Variants in FRMPD4 observed in about 807,000 individuals in gnomAD.
The protein encoded by FRMPD4 is FERM and PDZ domain containing 4.
Under a neutral mutation model 94.1 loss-of-function variants are expected in FRMPD4, and 22 were observed. That is an observed-to-expected ratio of 0.23 (90% CI 0.17 to 0.33). FRMPD4 has a LOEUF of 0.33. Ranked by LOEUF, FRMPD4 falls within the 10% of genes least tolerant of loss-of-function variation. The pLI is 1.00. For synonymous variants in FRMPD4, 631 were observed against 548.6 expected (o/e 1.15, Z -2.10); for missense variants, 1,111 against 1,339.9 (o/e 0.83, Z 2.67).
chrX:11,943,349 G>A (rs1195117760), intron 3 of FRMPD4, among the ~76,000 whole-genome samples: 3 of 110,785 alleles, frequency 2.7e-5, no homozygotes, highest in Non-Finnish European at 5.7e-5. Flanking sequence ...TACTTTTAGG[G>A]CATTTACTCC....
chrX:11,909,765 C>T (rs1002904180), intron 3 of FRMPD4, among the ~76,000 whole-genome samples: 2 of 110,908 alleles, frequency 1.8e-5, no homozygotes, highest in African/African-American at 6.5e-5. Context: ...GTTCTAATAT[C>T]CATTGTGATT....
chrX:12,208,690 A>G (rs2056721871), intron 1 of FRMPD4, among the ~76,000 whole-genome samples: 2 of 112,174 alleles, frequency 1.8e-5, no homozygotes, highest in Admixed American at 1.9e-4. Flanking sequence ...TTACTATACT[A>G]TAATAAAATG....
chrX:12,051,138 T>A (rs2054815442), intron 3 of FRMPD4, among the ~76,000 whole-genome samples: 1 of 111,865 alleles, frequency 8.9e-6, no homozygotes, highest in Admixed American at 9.5e-5. Flanking sequence ...ATAGGATACA[T>A]GTCTATGTAG....
chrX:12,503,642 G>T (rs937808674), intron 2 of FRMPD4, among the ~76,000 whole-genome samples: 4 of 111,792 alleles, frequency 3.6e-5, no homozygotes, highest in African/African-American at 1.3e-4. Flanking sequence ...CAAGTAATTT[G>T]TATGCCCTTT....
intron 1 of FRMPD4, among the ~76,000 whole-genome samples, chrX:12,292,436 A>G (rs1216760056): frequency 2.7e-5 from 3 of 111,278 alleles, no homozygotes; most frequent in Non-Finnish European, 5.7e-5. Flanking sequence ...TCAACAATGA[A>G]TTCAGTGCCT....
At chrX:12,646,946 TATGACCACTAA>T (rs2059553273) in intron 4 of FRMPD4, among the ~76,000 whole-genome samples, 1 of 112,153 alleles carries the variant, frequency 8.9e-6, no homozygotes, top group Non-Finnish European at 1.9e-5. Context: ...AGGTAGTGGC[TATGACCACTAA>T]CCCCTAGGAA....
intron 1 of FRMPD4, among the ~76,000 whole-genome samples, chrX:12,159,252 T>C (rs2055984867): frequency 8.9e-6 from 1 of 112,186 alleles, no homozygotes; most frequent in Admixed American, 9.4e-5. Context: ...TGAAAGGCAG[T>C]GTGGAGTGGA....
At chrX:12,294,334 A>T (rs183923900) in intron 1 of FRMPD4, among the ~76,000 whole-genome samples, 87 of 111,715 alleles carry the variant, frequency 7.8e-4, no homozygotes, top group Non-Finnish European at 1.5e-3. Context: ...AGGGACATAG[A>T]TATTGAGCCC....
chrX:11,998,438 GA>G (rs1286072491), intron 3 of FRMPD4, among the ~76,000 whole-genome samples: 1 of 111,483 alleles, frequency 9.0e-6, no homozygotes, highest in Admixed American at 9.6e-5. Flanking sequence ...TGAGAGATAG[GA>G]AAATGAAGAT....
intron 3 of FRMPD4, among the ~76,000 whole-genome samples, chrX:11,910,420 A>G (rs182322420): frequency 1.3e-3 from 141 of 112,201 alleles, no homozygotes; most frequent in Middle Eastern, 9.2e-3. Context: ...AGAATTTATG[A>G]CAGCATTTTT....
At chrX:11,944,707 C>T (rs1601849417) in intron 3 of FRMPD4, among the ~76,000 whole-genome samples, 1 of 111,146 alleles carries the variant, frequency 9.0e-6, no homozygotes, top group Non-Finnish European at 1.9e-5. Context: ...TGCTAGTCCT[C>T]GCACCCCGAG....
intron 1 of FRMPD4, among the ~76,000 whole-genome samples, chrX:12,296,191 C>T (rs1416506668): frequency 1.8e-5 from 2 of 111,407 alleles, no homozygotes; most frequent in African/African-American, 3.3e-5. Context: ...AAACATTGCT[C>T]ATAAGTGGTG....
chrX:12,133,484 G>A (rs1251904799), upstream of FRMPD4, among the ~76,000 whole-genome samples: 1 of 110,937 alleles, frequency 9.0e-6, no homozygotes, highest in Non-Finnish European at 1.9e-5. Context: ...GAGTGCAGTA[G>A]CATGATCAGA....
At chrX:12,132,055 G>A (rs1226314505) in intron 3 of FRMPD4, among the ~76,000 whole-genome samples, 2 of 111,420 alleles carry the variant, frequency 1.8e-5, no homozygotes, top group East Asian at 2.8e-4. Context: ...AGTAACAAAG[G>A]AAGGGACAAT....
intron 3 of FRMPD4, among the ~76,000 whole-genome samples, chrX:11,967,620 C>T (rs1030915948): frequency 9.0e-6 from 1 of 111,373 alleles, no homozygotes; most frequent in Non-Finnish European, 1.9e-5. Flanking sequence ...CCCTCAGAAC[C>T]AAATACTGGT....
chrX:11,901,477 C>T (rs180884173), intron 3 of FRMPD4, among the ~76,000 whole-genome samples: 34 of 112,409 alleles, frequency 3.0e-4, no homozygotes, highest in Admixed American at 2.0e-3. Context: ...ACATATACCA[C>T]GTTTTCTTTA....
At chrX:12,534,662 C>T (rs1328251559) in intron 2 of FRMPD4, among the ~76,000 whole-genome samples, 3 of 112,531 alleles carry the variant, frequency 2.7e-5, no homozygotes, top group African/African-American at 9.7e-5. Context: ...TTTGACTGCC[C>T]CACTGGATTT....
intron 2 of FRMPD4, among the ~76,000 whole-genome samples, chrX:12,609,306 A>G (rs903766409): frequency 2.7e-5 from 3 of 111,660 alleles, no homozygotes; most frequent in Non-Finnish European, 5.6e-5. Flanking sequence ...TGTGTTGTTC[A>G]AGAGCCAACT....
At chrX:12,112,115 C>G (rs1287871214) in intron 3 of FRMPD4, among the ~76,000 whole-genome samples, 2 of 111,994 alleles carry the variant, frequency 1.8e-5, no homozygotes, top group Non-Finnish European at 3.8e-5. Context: ...GACACATGCA[C>G]ACGTATGTTT....
Sources: gnomAD v4.1 joint callset for allele counts (sites outside exome capture counted in the v4.1 genomes callset) on GRCh38, gnomAD v4.1.1 for gene constraint, MANE v1.5 for transcripts, NCBI Gene and HGNC (gene_info 2026-07-23, HGNC 2026-07-21) for gene names.